Variants in DLGAP2 observed in about 807,000 individuals in gnomAD.
DLGAP2 encodes the protein DLG associated protein 2.
In DLGAP2, 26 loss-of-function variants were observed where a neutral mutation model predicts 100.3. The ratio of observed to expected loss-of-function variants is 0.26; its 90% CI spans 0.19 to 0.36. The LOEUF (loss-of-function observed/expected upper bound fraction) is 0.36, where lower values mean the gene tolerates loss of function less well. Among genes scored for constraint, DLGAP2 ranks in the 10% least tolerant of loss-of-function variants. The probability of loss-of-function intolerance (pLI) is 1.00; values close to 1 mark genes in which losing one functional copy is unlikely to be tolerated. For missense variants in DLGAP2, 1,858 were observed against 1,453.2 expected (o/e 1.28, Z -4.53); for synonymous variants, 886 against 630.1 (o/e 1.41, Z -6.08).
chr8:1,084,406 C>T (rs1336704750), intron 2 of DLGAP2, among the ~76,000 whole-genome samples: 1 of 152,158 alleles, frequency 6.6e-6, no homozygotes, highest in Non-Finnish European at 1.5e-5. Flanking sequence ...TAGAAATTTA[C>T]TCTTGGCAAT....
At chr8:797,400 TTGA>T (rs1169529369) in intron 1 of DLGAP2, among the ~76,000 whole-genome samples, 1 of 152,270 alleles carries the variant, frequency 6.6e-6, no homozygotes, top group Non-Finnish European at 1.5e-5. Context: ...TTTCCTATTG[TTGA>T]TGATCAATCT....
intron 3 of DLGAP2, among the ~76,000 whole-genome samples, chr8:1,474,484 A>G (rs1798880508): frequency 6.6e-6 from 1 of 152,198 alleles, no homozygotes; most frequent in Non-Finnish European, 1.5e-5. Flanking sequence ...GTACTGGTTT[A>G]CATTCCCACC....
intron 2 of DLGAP2, among the ~76,000 whole-genome samples, chr8:1,144,074 A>G (rs1796565849): frequency 6.6e-6 from 1 of 152,190 alleles, no homozygotes; most frequent in African/African-American, 2.4e-5. Context: ...TCCATTGCAT[A>G]CCTTTCCCCT....
chr8:1,284,612 A>C (rs996629399), intron 3 of DLGAP2, among the ~76,000 whole-genome samples: 3 of 151,980 alleles, frequency 2.0e-5, no homozygotes, highest in Non-Finnish European at 4.4e-5. Context: ...TATCTTGTTC[A>C]TTCGTTGTTT....
chr8:779,347 G>T (rs1196946901), intron 1 of DLGAP2, among the ~76,000 whole-genome samples: 1 of 152,114 alleles, frequency 6.6e-6, no homozygotes, highest in Non-Finnish European at 1.5e-5. Flanking sequence ...GTTCCTATTC[G>T]GCCATCTTGG....
chr8:1,564,080 G>C lies in DLGAP2; in HGVS notation c.1231-1603G>C, dbSNP rs76567483. Among the ~76,000 whole-genome samples the C allele has an allele frequency of 5.3e-5, 8 of 152,254 alleles. No homozygotes were observed. In the East Asian group the frequency reaches 1.5e-3, roughly 29 times the overall value. ...CTTGACTACAGACTGTGGGTGATGA[G>C]CTAGTTGCTGTGGAAAGCTTTGGAG... On this transcript the variant is annotated intron_variant, in intron 5 of 14. Coordinates refer to ENST00000637795, the MANE Select transcript of DLGAP2 (RefSeq NM_001346810.2).
intron 1 of DLGAP2, among the ~76,000 whole-genome samples, chr8:859,740 T>G (rs546650219): frequency 1.3e-5 from 2 of 152,192 alleles, no homozygotes; most frequent in African/African-American, 4.8e-5. Context: ...CTCTGGCAGG[T>G]GATTTTTCTC....
At position 1,219,298 on chromosome 8, in the gene DLGAP2, G is replaced by T. The variant is rs1000680922; in HGVS notation, c.74-39553G>T. Reference sequence around the variant, plus strand: ...TTATTTTGAGATAAGTTCCTCTGATGACTAGTTTGTGAGGGTTTTTAACAT... The same window carrying T: ...TTATTTTGAGATAAGTTCCTCTGATTACTAGTTTGTGAGGGTTTTTAACAT... On this transcript the variant is annotated intron_variant, in intron 2 of 14. Transcript: ENST00000637795. Among the ~76,000 whole-genome samples the T allele has an allele frequency of 3.0e-4, 46 of 152,184 alleles. 1 individual carries two copies. Among genetic ancestry groups the T allele is most frequent in the Admixed American group, 2.5e-3 (39 of 15,300 alleles).
At chr8:1,588,463 A>AT (rs1376179031) in intron 6 of DLGAP2, among the ~76,000 whole-genome samples, 1 of 152,230 alleles carries the variant, frequency 6.6e-6, no homozygotes, top group Non-Finnish European at 1.5e-5. Context: ...AATGTGTTCT[A>AT]TGAGTTCATT....
intron 2 of DLGAP2, among the ~76,000 whole-genome samples, chr8:995,853 C>A (rs1358478312): frequency 6.6e-6 from 1 of 152,138 alleles, no homozygotes; most frequent in African/African-American, 2.4e-5. Context: ...CGTGTCTCTC[C>A]ATGGAGGGTT....
intron 2 of DLGAP2, among the ~76,000 whole-genome samples, chr8:1,182,760 A>G (rs1328793036): frequency 6.6e-6 from 1 of 152,122 alleles, no homozygotes; most frequent in Non-Finnish European, 1.5e-5. Context: ...AGCTCACACT[A>G]TCGAGTCCAG....
intron 3 of DLGAP2, among the ~76,000 whole-genome samples, chr8:1,308,527 T>C (rs1354187427): frequency 6.6e-6 from 1 of 152,182 alleles, no homozygotes; most frequent in Non-Finnish European, 1.5e-5. Context: ...AATCTTTTTT[T>C]GTTTTGTTTT....
intron 5 of DLGAP2, among the ~76,000 whole-genome samples, chr8:1,555,280 G>T (rs1486266008): frequency 6.6e-6 from 1 of 152,154 alleles, no homozygotes; most frequent in Admixed American, 6.5e-5. Flanking sequence ...GCCACCAGCT[G>T]CCCCATCCAT....
intron 2 of DLGAP2, chr8:910,300 T>C (rs1295669212): frequency 6.6e-6 from 1 of 152,266 alleles, no homozygotes; most frequent in African/African-American, 2.4e-5. Flanking sequence ...ATACATGTCA[T>C]GTTTCTGAAT....
intron 3 of DLGAP2, among the ~76,000 whole-genome samples, chr8:1,322,109 A>AGT (rs972080929): frequency 6.6e-6 from 1 of 152,234 alleles, no homozygotes; most frequent in Non-Finnish European, 1.5e-5. Context: ...TTTAAAAAAA[A>AGT]GTCCCAACTT....
At chr8:1,621,182 G>C (rs1797323560) in intron 6 of DLGAP2, 1 of 152,238 alleles carries the variant, frequency 6.6e-6, no homozygotes, top group Non-Finnish European at 1.5e-5. Context: ...TTCTGTTTGG[G>C]AAGCCTTTGG....
intron 3 of DLGAP2, among the ~76,000 whole-genome samples, chr8:1,463,883 C>A (rs375148937): frequency 6.6e-6 from 1 of 152,216 alleles, no homozygotes; most frequent in African/African-American, 2.4e-5. Context: ...CATCTTGTGA[C>A]CTGGGCCTTC....
intron 2 of DLGAP2, among the ~76,000 whole-genome samples, chr8:931,831 C>T (rs1798965878): frequency 6.6e-6 from 1 of 152,092 alleles, no homozygotes; most frequent in African/African-American, 2.4e-5. Flanking sequence ...TTTTTGGACT[C>T]TCAATGAAAC....
chr8:1,319,923 C>T (rs1424793835), intron 3 of DLGAP2, among the ~76,000 whole-genome samples: 3 of 152,090 alleles, frequency 2.0e-5, no homozygotes, highest in Non-Finnish European at 2.9e-5. Flanking sequence ...TGACCCAGGG[C>T]CTTTGAGAAT....
Sources: allele counts gnomAD v4.1 joint callset (sites outside exome capture counted in the v4.1 genomes callset), GRCh38; gene constraint gnomAD v4.1.1; transcripts MANE v1.5; gene names NCBI Gene and HGNC (gene_info 2026-07-23, HGNC 2026-07-21).